The following CDK15 variants were observed in gnomAD, a reference collection of about 807,000 sequenced individuals.
The protein encoded by CDK15 is cyclin dependent kinase 15.
In CDK15, 62 loss-of-function variants were observed where a neutral mutation model predicts 60.3. That is an observed-to-expected ratio of 1.03 (90% CI 0.84 to 1.27). The LOEUF (loss-of-function observed/expected upper bound fraction) is 1.27, where lower values mean the gene tolerates loss of function less well. CDK15 is among the 50% of genes most tolerant of loss of function. The pLI is 0.00. For missense variants in CDK15, 541 were observed against 527.8 expected (o/e 1.03, Z -0.25); for synonymous variants, 194 against 195.7 (o/e 0.99, Z 0.07).
intron 12 of CDK15, among the ~76,000 whole-genome samples, chr2:201,880,794 G>C (rs1322612283): frequency 6.6e-6 from 1 of 152,204 alleles, no homozygotes; most frequent in Non-Finnish European, 1.5e-5. Flanking sequence ...CTCCCGTCAT[G>C]TTTCTTGGAC....
At chr2:201,818,964 A>AAAAAAC (rs1696103295) in intron 4 of CDK15, among the ~76,000 whole-genome samples, 1 of 151,716 alleles carries the variant, frequency 6.6e-6, no homozygotes, top group Non-Finnish European at 1.5e-5. Flanking sequence ...AATAAGCAAA[A>AAAAAAC]AAAACAAAAC....
At chr2:201,832,253 C>T (rs1345536772) in intron 6 of CDK15, among the ~76,000 whole-genome samples, 1 of 152,146 alleles carries the variant, frequency 6.6e-6, no homozygotes, top group East Asian at 1.9e-4. Context: ...ACCACATTGG[C>T]CAGGCTGGTC....
rs1491380631 is a variant in CDK15, at chr2:201,894,113, A to ACACACACACC, written c.*847_*848insACACACACCC. 2.3e-5 allele frequency: 3 copies of ACACACACACC among 128,656 alleles called. No individual in the cohort carries two copies. The highest frequency in any genetic ancestry group is 7.8e-5 in the Admixed American group (1 of 12,806). The allele number at this position is 128,656 out of a possible 1,614,324, so 8.0% of individuals were successfully genotyped here. On this transcript the variant is annotated 3_prime_UTR_variant, in exon 14 of 14. Transcript: ENST00000652192. ...CACACACACACACACACACACACAC[A>ACACACACACC]CCCCTCAAGTAAAATGAGAGATCTG...
At position 201,847,357 on chromosome 2, in the gene CDK15, A is replaced by G. The variant is rs1384648298; in HGVS notation, c.852-24A>G. The G allele has an allele frequency of 1.9e-6, 3 of 1,597,534 alleles. No homozygotes were observed. The Admixed American group carries it at 5.1e-5, about 27-fold the overall frequency. ...TTGTATGATTTCTTTCAAAGTGTCA[A>G]TTTACTCTTATTTCATTTGCTAGGG... On this transcript the variant is annotated intron_variant, in intron 8 of 13. Coordinates refer to ENST00000652192, the MANE Select transcript of CDK15 (RefSeq NM_001366386.2).
intron 11 of CDK15, among the ~76,000 whole-genome samples, chr2:201,878,607 C>A (rs1699165922): frequency 6.6e-6 from 1 of 152,178 alleles, no homozygotes; most frequent in African/African-American, 2.4e-5. Context: ...TATCTCTCTG[C>A]CTCTGCTCCA....
At chr2:201,871,782 T>G (rs1698858515) in intron 10 of CDK15, among the ~76,000 whole-genome samples, 1 of 152,108 alleles carries the variant, frequency 6.6e-6, no homozygotes, top group African/African-American at 2.4e-5. Flanking sequence ...ATTGAGGTGT[T>G]GGCAGAGTTG....
intron 4 of CDK15, among the ~76,000 whole-genome samples, chr2:201,816,197 G>T (rs1490093437): frequency 6.6e-6 from 1 of 152,094 alleles, no homozygotes; most frequent in African/African-American, 2.4e-5. Flanking sequence ...GCATGATGCT[G>T]AGGTATCTTG....
chr2:201,885,615 G>A (rs1268765816), intron 12 of CDK15, among the ~76,000 whole-genome samples: 2 of 152,196 alleles, frequency 1.3e-5, no homozygotes, highest in Non-Finnish European at 1.5e-5. Flanking sequence ...TTGTGTTGCT[G>A]GGAGAAGTCT....
chr2:201,888,555 G>A, intron 12 of CDK15: 1 of 1,477,670 alleles, frequency 6.8e-7, no homozygotes, highest in Non-Finnish European at 8.9e-7. Context: ...TGCTGAAGGA[G>A]AGCCGCGCTG....
chr2:201,891,517 C>G (rs527657835), intron 13 of CDK15, among the ~76,000 whole-genome samples: 1 of 152,226 alleles, frequency 6.6e-6, no homozygotes, highest in East Asian at 1.9e-4. Flanking sequence ...TTGGTGCAGT[C>G]CTGGGTAAAC....
At chr2:201,886,957 A>G (rs1322503250) in intron 12 of CDK15, among the ~76,000 whole-genome samples, 3 of 152,226 alleles carry the variant, frequency 2.0e-5, no homozygotes, top group Non-Finnish European at 2.9e-5. Flanking sequence ...CATAAAAATG[A>G]TCATACCCTT....
chr2:201,812,720 G>A (rs1016841575), intron 4 of CDK15, among the ~76,000 whole-genome samples, 158 bp downstream of exon 4: 4 of 152,052 alleles, frequency 2.6e-5, no homozygotes, highest in African/African-American at 9.7e-5. Flanking sequence ...AATTTACACT[G>A]CTATTTTATT....
intron 10 of CDK15, among the ~76,000 whole-genome samples, chr2:201,863,686 A>G (rs1698492388): frequency 6.6e-6 from 1 of 152,182 alleles, no homozygotes; most frequent in Non-Finnish European, 1.5e-5. Flanking sequence ...ACTTGAGATC[A>G]GGAGTTCGAG....
chr2:201,855,701 G>A (rs560586512), intron 10 of CDK15, among the ~76,000 whole-genome samples: 1 of 152,182 alleles, frequency 6.6e-6, no homozygotes, highest in South Asian at 2.1e-4. Context: ...TTGAAGGGGA[G>A]GTAGAAAGGT....
chr2:201,835,876 ATATATT>A lies in CDK15; in HGVS notation c.851+125_851+130del, dbSNP rs1009330013. 7 of 384,190 alleles carry A rather than the reference ATATATT, an allele frequency of 1.8e-5. No homozygotes were observed. The South Asian group carries it at 3.3e-4, about 18-fold the overall frequency. The allele number at this position is 384,190 out of a possible 1,614,324, so 23.8% of individuals were successfully genotyped here. ...ATGGCAATCACGTATATATTTTTATATATATTTATATTTATATATTTTATATATATT... is the reference window on the plus strand; with the variant it reads ...ATGGCAATCACGTATATATTTTTATATATATTTATATATTTTATATATATT... On this transcript the variant is annotated intron_variant, in intron 8 of 13. Coordinates refer to ENST00000652192, the MANE Select transcript of CDK15 (RefSeq NM_001366386.2).
At chr2:201,808,010 C>A (rs1269559408) in intron 3 of CDK15, 58 bp downstream of exon 3, 2 of 1,448,402 alleles carry the variant, frequency 1.4e-6, no homozygotes, top group Admixed American at 3.6e-5. Context: ...CCCCCAATTT[C>A]ATATTATAAA....
chr2:201,863,895 C>G (rs912026765), intron 10 of CDK15, among the ~76,000 whole-genome samples: 15 of 152,072 alleles, frequency 9.9e-5, no homozygotes, highest in African/African-American at 3.6e-4. Context: ...GACTCCATCT[C>G]AGAAAAACAA....
intron 8 of CDK15, among the ~76,000 whole-genome samples, chr2:201,840,503 T>C (rs186186368): frequency 6.6e-5 from 10 of 152,328 alleles, no homozygotes; most frequent in African/African-American, 2.4e-4. Flanking sequence ...TTGTACACTT[T>C]AGTTACCACT....
intron 4 of CDK15, among the ~76,000 whole-genome samples, chr2:201,813,426 A>G (rs1695860152): frequency 6.6e-6 from 1 of 152,230 alleles, no homozygotes; most frequent in Non-Finnish European, 1.5e-5. Flanking sequence ...TAGGATTGCT[A>G]TGCATTTCAG....
Sources: allele counts gnomAD v4.1 joint callset (sites outside exome capture counted in the v4.1 genomes callset), GRCh38; gene constraint gnomAD v4.1.1; transcripts MANE v1.5; gene names NCBI Gene and HGNC (gene_info 2026-07-23, HGNC 2026-07-21).